The following PTPRN2 variants were observed in gnomAD, a reference collection of about 807,000 sequenced individuals.
PTPRN2 encodes the protein receptor-type tyrosine-protein phosphatase N2.
PTPRN2 carries 74 observed loss-of-function variants against 118.8 expected under a neutral mutation model. The ratio of observed to expected loss-of-function variants is 0.62; its 90% CI spans 0.52 to 0.76. The LOEUF is 0.76. PTPRN2 is among the 30% of genes least tolerant of loss of function. The pLI, the probability that PTPRN2 is intolerant of heterozygous loss-of-function variation, is 0.00. For missense variants in PTPRN2, 1,481 were observed against 1,394.4 expected (o/e 1.06, Z -0.99); for synonymous variants, 641 against 608.0 (o/e 1.05, Z -0.80).
At chr7:157,685,530 G>A (rs1797143939) in intron 12 of PTPRN2, among the ~76,000 whole-genome samples, 1 of 152,098 alleles carries the variant, frequency 6.6e-6, no homozygotes. Context: ...GCGGTCACTC[G>A]GGCCAGGTGA....
At chr7:157,883,786 A>T (rs1796302929) in intron 12 of PTPRN2, among the ~76,000 whole-genome samples, 1 of 150,826 alleles carries the variant, frequency 6.6e-6, no homozygotes, top group Non-Finnish European at 1.5e-5. Context: ...ACCACCCAAA[A>T]AATGACTGTC....
At chr7:158,308,594 G>A (rs1272223974) in intron 3 of PTPRN2, among the ~76,000 whole-genome samples, 3 of 151,352 alleles carry the variant, frequency 2.0e-5, no homozygotes, top group Admixed American at 2.0e-4. Context: ...GCACAAAGGA[G>A]GGAAAGAGAA....
At chr7:158,502,524 C>T (rs958504204) in intron 1 of PTPRN2, among the ~76,000 whole-genome samples, 14 of 152,176 alleles carry the variant, frequency 9.2e-5, no homozygotes, top group Admixed American at 6.5e-5. Context: ...GGCCACCAGC[C>T]CCACCCCTGC....
At chr7:157,734,136 G>A (rs1346369562) in intron 12 of PTPRN2, among the ~76,000 whole-genome samples, 29 of 84,746 alleles carry the variant, frequency 3.4e-4, no homozygotes, top group African/African-American at 1.5e-3. Flanking sequence ...ACCCTTTCCC[G>A]TCCCAGGCGC....
intron 12 of PTPRN2, among the ~76,000 whole-genome samples, chr7:157,871,553 C>T (rs959011517): frequency 6.6e-6 from 1 of 152,076 alleles, no homozygotes; most frequent in African/African-American, 2.4e-5. Context: ...TGGCCGACAC[C>T]ACCCCAGGGC....
intron 17 of PTPRN2, among the ~76,000 whole-genome samples, chr7:157,589,037 C>A (rs1470454689): frequency 6.6e-6 from 1 of 152,174 alleles, no homozygotes; most frequent in African/African-American, 2.4e-5. Context: ...GTTCTACAAC[C>A]GTCACCGTCA....
intron 3 of PTPRN2, among the ~76,000 whole-genome samples, chr7:158,298,465 C>T (rs752188305): frequency 2.6e-5 from 4 of 152,092 alleles, no homozygotes; most frequent in Admixed American, 1.3e-4. Context: ...GGACCCAAGT[C>T]GAAACATGAA....
At chr7:157,935,987 CA>C (rs1433028465) in intron 11 of PTPRN2, among the ~76,000 whole-genome samples, 4 of 145,646 alleles carry the variant, frequency 2.7e-5, no homozygotes, top group African/African-American at 1.0e-4. Flanking sequence ...GTCGCTCCCT[CA>C]GGGGGGGTTT....
At chr7:158,449,327 G>A (rs1817938301) in intron 2 of PTPRN2, among the ~76,000 whole-genome samples, 1 of 152,236 alleles carries the variant, frequency 6.6e-6, no homozygotes, top group South Asian at 2.1e-4. Flanking sequence ...AGGTGAGGGT[G>A]GTCGGCCCAC....
intron 12 of PTPRN2, among the ~76,000 whole-genome samples, chr7:157,851,751 T>C (rs1210350564): frequency 1.3e-5 from 2 of 152,218 alleles, no homozygotes; most frequent in East Asian, 1.9e-4. Flanking sequence ...CCTGTAACAG[T>C]GTGGTCCTTC....
At chr7:157,807,232 C>T (rs1805690687) in intron 12 of PTPRN2, among the ~76,000 whole-genome samples, 1 of 152,194 alleles carries the variant, frequency 6.6e-6, no homozygotes, top group African/African-American at 2.4e-5. Context: ...GGTGCCCAGC[C>T]CTTTCCGTGC....
intron 1 of PTPRN2, among the ~76,000 whole-genome samples, chr7:158,492,214 C>T (rs1208564521): frequency 1.3e-5 from 2 of 152,190 alleles, no homozygotes; most frequent in African/African-American, 4.8e-5. Context: ...GTGGAACGTC[C>T]CTGGTCCCGG....
chr7:158,235,555 G>A (rs1829476206), intron 3 of PTPRN2, among the ~76,000 whole-genome samples: 1 of 152,218 alleles, frequency 6.6e-6, no homozygotes, highest in African/African-American at 2.4e-5. Context: ...TCTCATGAGG[G>A]TGCCTCCGTT....
At chr7:157,886,391 G>C (rs1188886568) in intron 12 of PTPRN2, among the ~76,000 whole-genome samples, 1 of 152,212 alleles carries the variant, frequency 6.6e-6, no homozygotes, top group African/African-American at 2.4e-5. Context: ...ATGTCGAGAA[G>C]CAGGGACTGC....
intron 1 of PTPRN2, among the ~76,000 whole-genome samples, chr7:158,520,526 G>A (rs1272913766): frequency 2.0e-5 from 3 of 152,162 alleles, no homozygotes; most frequent in African/African-American, 7.2e-5. Context: ...CGAGGCCCCT[G>A]GAGAAACACT....
intron 12 of PTPRN2, among the ~76,000 whole-genome samples, chr7:157,758,394 C>T (rs1175933765): frequency 6.6e-6 from 1 of 152,220 alleles, no homozygotes; most frequent in Non-Finnish European, 1.5e-5. Context: ...AGGGCAAGAC[C>T]GGCTCAGAGG....
Position 158,275,851 on chromosome 7 carries a change from G to A in PTPRN2, c.277+40968C>T, listed in dbSNP as rs544297684. Among the ~76,000 whole-genome samples the A allele has an allele frequency of 3.3e-5, 5 of 152,282 alleles. No individual in the cohort carries two copies. The South Asian group carries it at 1.0e-3, about 32-fold the overall frequency. Reference sequence around the variant, plus strand: ...ATAAGGTGGCCTCCTCCCTCCATCAGCCCCTCAGGGACAACAGGTGGCCAA... The same window carrying A: ...ATAAGGTGGCCTCCTCCCTCCATCAACCCCTCAGGGACAACAGGTGGCCAA... On this transcript the variant is annotated intron_variant, in intron 3 of 22. Transcript: ENST00000389418.
chr7:157,678,684 C>T (rs759943192), intron 13 of PTPRN2, among the ~76,000 whole-genome samples: 4 of 152,098 alleles, frequency 2.6e-5, no homozygotes, highest in Admixed American at 6.5e-5. Flanking sequence ...CCCCGTGGCC[C>T]GGATGCATGC....
intron 12 of PTPRN2, among the ~76,000 whole-genome samples, chr7:157,715,341 G>A (rs988109253): frequency 3.3e-5 from 5 of 152,170 alleles, no homozygotes; most frequent in Admixed American, 6.5e-5. Flanking sequence ...ACAGATGCAA[G>A]GACACTGGGG....
Sources: allele counts gnomAD v4.1 joint callset (sites outside exome capture counted in the v4.1 genomes callset), GRCh38; gene constraint gnomAD v4.1.1; transcripts MANE v1.5; gene names NCBI Gene and HGNC (gene_info 2026-07-23, HGNC 2026-07-21).